Variants in AKAP9 observed in about 807,000 individuals in gnomAD.
The protein encoded by AKAP9 is A-kinase anchoring protein 9.
In AKAP9, 311 loss-of-function variants were observed where a neutral mutation model predicts 488.5. The observed-to-expected ratio is 0.64, with a 90% CI of 0.58 to 0.70. The LOEUF (loss-of-function observed/expected upper bound fraction) is 0.70. Among genes scored for constraint, AKAP9 ranks in the 30% least tolerant of loss-of-function variants. AKAP9 has a pLI of 0.00. For missense variants in AKAP9, 4,215 were observed against 4,374.5 expected, an observed-to-expected ratio of 0.96 and a Z score of 1.03; for synonymous variants, 1,462 against 1,483.5, an observed-to-expected ratio of 0.99 and a Z score of 0.33.
chr7:92,066,727 A>G (rs542559001), intron 26 of AKAP9, among the ~76,000 whole-genome samples, 181 bp downstream of exon 26: 90 of 152,210 alleles, frequency 5.9e-4, no homozygotes, highest in Non-Finnish European at 1.0e-3. Context: ...TGGTATTGAA[A>G]TTTGGAATCA....
At chr7:92,036,892 C>A (rs888139703) in intron 16 of AKAP9, among the ~76,000 whole-genome samples, 1 of 152,150 alleles carries the variant, frequency 6.6e-6, no homozygotes, top group African/African-American at 2.4e-5. Flanking sequence ...CAGATGACAT[C>A]GTTGTTACCA....
chr7:92,091,174 C>T (rs1210524589), intron 38 of AKAP9, among the ~76,000 whole-genome samples: 1 of 152,160 alleles, frequency 6.6e-6, no homozygotes, highest in Non-Finnish European at 1.5e-5. Flanking sequence ...ATCTAATTTT[C>T]ATCATGTCCA....
chr7:92,053,469 A>T (rs1339380421), intron 22 of AKAP9, among the ~76,000 whole-genome samples: 1 of 152,162 alleles, frequency 6.6e-6, no homozygotes, highest in African/African-American at 2.4e-5. Flanking sequence ...TACTAGAGAG[A>T]AACTTCTCCA....
intron 13 of AKAP9, among the ~76,000 whole-genome samples, 169 bp downstream of exon 13, chr7:92,022,521 T>A (rs551053140): frequency 5.9e-5 from 9 of 152,208 alleles, no homozygotes; most frequent in Non-Finnish European, 1.0e-4. Flanking sequence ...TACTTTCTAT[T>A]TGGTCCTTTC....
chr7:92,081,335 G>T (rs1054505250), intron 31 of AKAP9, among the ~76,000 whole-genome samples: 40 of 149,600 alleles, frequency 2.7e-4, no homozygotes, highest in African/African-American at 7.4e-4. Flanking sequence ...ACAGAGTCTC[G>T]CTCTGTCGCC....
In AKAP9 at chr7:92,079,715, C is replaced by G. The variant is rs1488811536; in HGVS notation, c.7582C>G (p.Gln2528Glu). The stretch of plus-strand genomic sequence containing the variant: ...TAAACAAATAAAAGACATGCAAGAA[C>G]AAGGCCAGTTTGAAACAGAAATGCT... ...CYKQIKDMQE[Q>E]GQFETEMLQK... The change falls in exon 31 of 50, where the codon CAA (glutamine) becomes GAA (glutamate). Residue 2528 changes from glutamine (Q) to glutamate (E), a missense_variant. Physicochemically the swap from Gln to Glu is conservative, Grantham distance 29. This residue lies in a region of AKAP9 where 1,476 missense variants were observed against 1,477.4 expected (regional missense o/e 1.00). Coordinates refer to ENST00000356239, the MANE Select transcript of AKAP9 (RefSeq NM_005751.5). 5.0e-6 allele frequency: 8 copies of G among 1,613,928 alleles called. No individual in the cohort carries two copies. Among genetic ancestry groups the G allele is most frequent in the South Asian group, 1.1e-5 (1 of 91,086 alleles).
chr7:91,965,436 A>C (rs998485355), intron 1 of AKAP9, among the ~76,000 whole-genome samples: 3 of 152,114 alleles, frequency 2.0e-5, no homozygotes, highest in African/African-American at 7.2e-5. Flanking sequence ...TTATCAATTG[A>C]TGGGCACTTA....
rs139869635 is a variant in AKAP9, at chr7:92,074,699, C to G, written c.6613-2156C>G. Among the ~76,000 whole-genome samples, 1,157 of 152,264 alleles carry G rather than the reference C, an allele frequency of 7.6e-3. 12 individuals carry two copies. The highest frequency in any genetic ancestry group is 0.017 in the Middle Eastern group (5 of 294). The stretch of plus-strand genomic sequence containing the variant: ...ATGAAGCCACAAAAAAGGATGAGTT[C>G]ATGTCCTTTGCAGGGACACGGATGA... On this transcript the variant is annotated intron_variant, in intron 28 of 49. Transcript: ENST00000356239.
intron 16 of AKAP9, among the ~76,000 whole-genome samples, chr7:92,036,232 C>A (rs960005474): frequency 4.6e-5 from 7 of 151,916 alleles, no homozygotes; most frequent in African/African-American, 1.5e-4. Context: ...GTTGTTCCCT[C>A]GTAGGTAATA....
At chr7:92,084,527 G>T in intron 33 of AKAP9, 113 bp from the exon 34 acceptor site, 1 of 701,402 alleles carries the variant, frequency 1.4e-6, no homozygotes, top group Non-Finnish European at 2.4e-6. Flanking sequence ...CATTTATTAT[G>T]AAAGGTGTGA....
chr7:92,084,649 A>G lies in AKAP9; in HGVS notation c.8656A>G (p.Ile2886Val), dbSNP rs143283097. ...TGTTTTCTCTAATTAGGGATCCTCAATTCCTGAGCTAGCACATTCTGATGC... is the reference window on the plus strand; with the variant it reads ...TGTTTTCTCTAATTAGGGATCCTCAGTTCCTGAGCTAGCACATTCTGATGC... Reference protein sequence around the residue: ...QCLRSKEGSSIPELAHSDAYQ... With the variant: ...QCLRSKEGSSVPELAHSDAYQ... Residue 2886 changes from isoleucine to valine, a missense_variant, in exon 34 of 50, where the codon ATT becomes GTT. Ile to Val is a conservative substitution (Grantham distance 29). Coordinates refer to ENST00000356239, the MANE Select transcript of AKAP9 (RefSeq NM_005751.5). 3.6e-4 allele frequency: 581 copies of G among 1,608,864 alleles called. No homozygotes were observed. Among genetic ancestry groups the G allele is most frequent in the Non-Finnish European group, 4.6e-4 (540 of 1,176,022 alleles).
intron 1 of AKAP9, among the ~76,000 whole-genome samples, chr7:91,957,188 G>A (rs896951812): frequency 3.3e-5 from 5 of 152,022 alleles, no homozygotes; most frequent in African/African-American, 4.8e-5. Context: ...GCTACAAAAA[G>A]TTGCAAGTAA....
rs1158032444 is a variant in AKAP9, at chr7:92,079,490, G to T, written c.7357G>T (p.Val2453Leu). 6.2e-7 allele frequency: 1 copy of T among 1,613,960 alleles called. No individual in the cohort carries two copies. Among genetic ancestry groups the T allele is most frequent in the Non-Finnish European group, 8.5e-7 (1 of 1,179,994 alleles). ...AAGCATACCAGAGAATAGTGTTAAC[G>T]TGGCTATAGATCATCTGAGCAAAGA... ...IQSIPENSVN[V>L]AIDHLSKDKP... Residue 2453 changes from valine (V) to leucine (L), a missense_variant, in exon 31 of 50, where the codon GTG becomes TTG. Coordinates refer to ENST00000356239, the MANE Select transcript of AKAP9 (RefSeq NM_005751.5).
chr7:92,039,008 C>A (rs1010334047), intron 17 of AKAP9, among the ~76,000 whole-genome samples: 6 of 152,078 alleles, frequency 3.9e-5, no homozygotes, highest in African/African-American at 1.4e-4. Flanking sequence ...CAGGTTCAGG[C>A]GATTCTCCTG....
At chr7:92,102,155 C>T (rs1055007058) in intron 45 of AKAP9, among the ~76,000 whole-genome samples, 1 of 81,846 alleles carries the variant, frequency 1.2e-5, no homozygotes, top group African/African-American at 6.3e-5. Context: ...GACTCCGTCT[C>T]ATAAATTTAA....
intron 14 of AKAP9, among the ~76,000 whole-genome samples, chr7:92,025,012 T>C (rs1030142024): frequency 3.9e-5 from 6 of 152,172 alleles, no homozygotes; most frequent in Admixed American, 3.9e-4. Flanking sequence ...TTACTTACAA[T>C]GAAAGATCAC....
At chr7:92,090,661 T>G (rs1330163568) in intron 38 of AKAP9, 1 of 151,150 alleles carries the variant, frequency 6.6e-6, no homozygotes, top group Non-Finnish European at 1.5e-5. Flanking sequence ...GTATAGATAC[T>G]CCAAAATTAA....
chr7:92,047,250 T>C (rs1807159955), intron 21 of AKAP9, among the ~76,000 whole-genome samples: 1 of 151,968 alleles, frequency 6.6e-6, no homozygotes, highest in Non-Finnish European at 1.5e-5. Flanking sequence ...TGAGTCTCGC[T>C]CTGTCACCTA....
chr7:92,041,994 C>T (rs1430395818), intron 18 of AKAP9, 52 bp from the exon 19 acceptor site: 2 of 1,594,912 alleles, frequency 1.3e-6, no homozygotes, highest in East Asian at 4.5e-5. Flanking sequence ...ATATTTCTAC[C>T]CTTTTTCTCT....
Sources: gnomAD v4.1 joint callset for allele counts (sites outside exome capture counted in the v4.1 genomes callset) on GRCh38, gnomAD v4.1.1 for gene constraint, gnomAD v4.1.1 regional missense constraint, MANE v1.5 for transcripts, NCBI Gene and HGNC (gene_info 2026-07-23, HGNC 2026-07-21) for gene names.